LRRC7: variants seen among roughly 807,000 people sequenced by gnomAD.
LRRC7 encodes the protein leucine rich repeat containing 7.
LRRC7 carries 23 observed loss-of-function variants against 175.7 expected under a neutral mutation model. The ratio of observed to expected loss-of-function variants is 0.13; its 90% CI spans 0.09 to 0.19. The LOEUF is 0.19. LRRC7 is among the 10% of genes least tolerant of loss of function. The pLI is 1.00. For synonymous variants in LRRC7, 685 were observed against 680.9 expected (o/e 1.01, Z -0.09); for missense variants, 1,354 against 1,904.7 (o/e 0.71, Z 5.38).
intron 18 of LRRC7, chr1:70,031,126 G>A: frequency 6.6e-6 from 1 of 152,304 alleles, no homozygotes; most frequent in Non-Finnish European, 1.5e-5. Context: ...GAACAGTTAT[G>A]ATTACTTTGT....
intron 1 of LRRC7, among the ~76,000 whole-genome samples, chr1:69,653,484 G>A (rs973109027): frequency 8.0e-5 from 12 of 149,770 alleles, no homozygotes; most frequent in South Asian, 2.1e-4. Context: ...GCAAGTATGC[G>A]TGCTAATAAA....
chr1:69,819,207 T>A lies in LRRC7; in HGVS notation c.422-6541T>A, dbSNP rs138037890. ...AATTTGGCATTTATTTCTATAAACT[T>A]CCCTCTTAAAACTGCTTTTGCTGAA... On this transcript the variant is annotated intron_variant, in intron 4 of 26. Transcript: ENST00000651989. 6.2e-4 allele frequency among the ~76,000 whole-genome samples: 94 copies of A among 152,244 alleles called. 2 individuals are homozygous for A. In the East Asian group the frequency reaches 0.017, roughly 28 times the overall value.
At chr1:70,094,280 A>G (rs1664233263) in intron 25 of LRRC7, among the ~76,000 whole-genome samples, 1 of 152,140 alleles carries the variant, frequency 6.6e-6, no homozygotes, top group African/African-American at 2.4e-5. Flanking sequence ...TTATGTGGAG[A>G]ATAGTCATAA....
At chr1:69,811,044 C>T (rs1422492832) in intron 4 of LRRC7, among the ~76,000 whole-genome samples, 2 of 152,020 alleles carry the variant, frequency 1.3e-5, no homozygotes, top group Non-Finnish European at 2.9e-5. Context: ...GGCTAATATC[C>T]AGAATCTATA....
intron 4 of LRRC7, among the ~76,000 whole-genome samples, chr1:69,806,212 G>GA (rs961866667): frequency 7.2e-5 from 11 of 151,876 alleles, no homozygotes; most frequent in Non-Finnish European, 1.5e-4. Context: ...GATAAGGAAG[G>GA]AAAAATTCAT....
At chr1:69,905,758 T>A (rs1272625891) in intron 7 of LRRC7, among the ~76,000 whole-genome samples, 1 of 152,240 alleles carries the variant, frequency 6.6e-6, no homozygotes, top group African/African-American at 2.4e-5. Flanking sequence ...TTTATAGTCC[T>A]TTGGGTATAT....
intron 1 of LRRC7, among the ~76,000 whole-genome samples, chr1:69,571,210 G>A (rs549173540): frequency 6.6e-6 from 1 of 152,292 alleles, no homozygotes; most frequent in East Asian, 1.9e-4. Flanking sequence ...TACATCACTT[G>A]TGTCTGCACA....
intron 26 of LRRC7, among the ~76,000 whole-genome samples, chr1:70,110,758 T>C (rs1665473985): frequency 6.6e-6 from 1 of 152,210 alleles, no homozygotes; most frequent in Non-Finnish European, 1.5e-5. Context: ...AATTATGTAT[T>C]TACAGTTTCA....
chr1:69,673,674 A>G (rs1283077261), intron 1 of LRRC7, among the ~76,000 whole-genome samples: 2 of 152,224 alleles, frequency 1.3e-5, no homozygotes, highest in Non-Finnish European at 2.9e-5. Context: ...TTTCAGTTAT[A>G]TAATAATTTA....
At chr1:70,017,403 T>A (rs1317560145) in intron 14 of LRRC7, among the ~76,000 whole-genome samples, 1 of 152,206 alleles carries the variant, frequency 6.6e-6, no homozygotes, top group African/African-American at 2.4e-5. Flanking sequence ...GTAAATAATT[T>A]TATTAACTGG....
At chr1:70,028,619 A>G (rs541470140) in intron 18 of LRRC7, among the ~76,000 whole-genome samples, 1 of 152,250 alleles carries the variant, frequency 6.6e-6, no homozygotes, top group Admixed American at 6.5e-5. Context: ...TTCGTCACCC[A>G]GCAAGGCCTG....
At chr1:69,800,337 T>C (rs1259188860) in intron 4 of LRRC7, among the ~76,000 whole-genome samples, 1 of 152,044 alleles carries the variant, frequency 6.6e-6, no homozygotes, top group Non-Finnish European at 1.5e-5. Flanking sequence ...TTGGTCAGTA[T>C]GGTCATTTCA....
Position 70,076,165 on chromosome 1 carries a change from A to G in LRRC7, c.4319A>G (p.Lys1440Arg). The G allele has an allele frequency of 3.1e-6, 5 of 1,614,012 alleles. No homozygotes were observed. Among genetic ancestry groups the G allele is most frequent in the Non-Finnish European group, 4.2e-6 (5 of 1,179,960 alleles). ...EQQPYEGNIN[K>R]VTIQQFQSPL... ...CAGCCGTATGAAGGAAATATAAACA[A>G]AGTGACCATCCAGCAATTTCAGTCA... The change falls in exon 24 of 27, where the codon AAA becomes AGA. Residue 1440 changes from lysine to arginine, a missense_variant. By Grantham distance (26) the Lys-to-Arg change is conservative (BLOSUM62 2). Transcript: ENST00000651989.
chr1:69,695,186 G>A (rs1261389471), intron 2 of LRRC7, among the ~76,000 whole-genome samples: 1 of 152,144 alleles, frequency 6.6e-6, no homozygotes, highest in Non-Finnish European at 1.5e-5. Flanking sequence ...AAATTGTTGG[G>A]AACTGGTATA....
At chr1:69,795,985 GT>G (rs1380437209) in intron 4 of LRRC7, among the ~76,000 whole-genome samples, 3 of 149,006 alleles carry the variant, frequency 2.0e-5, no homozygotes, top group Admixed American at 2.0e-4. Flanking sequence ...TATACTTTAA[GT>G]TTTAGGGTAC....
intron 3 of LRRC7, among the ~76,000 whole-genome samples, chr1:69,784,736 A>C (rs1052126435): frequency 3.3e-5 from 5 of 152,166 alleles, no homozygotes; most frequent in Admixed American, 2.6e-4. Flanking sequence ...TATTCTGGCT[A>C]TATCGTGGCA....
At chr1:69,957,076 A>G (rs550366996) in intron 8 of LRRC7, among the ~76,000 whole-genome samples, 4 of 151,690 alleles carry the variant, frequency 2.6e-5, no homozygotes, top group African/African-American at 7.3e-5. Context: ...TTCATTTAAC[A>G]TATATTTATT....
In LRRC7 at chr1:70,133,147, T is replaced by C. The variant is rs1048801064; in HGVS notation, c.*11260T>C. ...CACCACTAGATGGAGACCTCATATC[T>C]ACATTTTAAATCCCAGCCTTGGCAA... is the stretch of plus-strand genomic sequence containing the variant. On this transcript the variant is annotated 3_prime_UTR_variant, in exon 27 of 27. Coordinates refer to ENST00000651989, the MANE Select transcript of LRRC7 (RefSeq NM_001370785.2). Among the ~76,000 whole-genome samples the C allele has an allele frequency of 3.9e-5, 6 of 152,146 alleles. No homozygotes were observed. Among genetic ancestry groups the C allele is most frequent in the Non-Finnish European group, 7.3e-5 (5 of 68,028 alleles).
chr1:69,684,226 C>T (rs927946198), intron 2 of LRRC7, among the ~76,000 whole-genome samples: 17 of 152,112 alleles, frequency 1.1e-4, no homozygotes, highest in Admixed American at 1.3e-4. Context: ...ATATTAATAA[C>T]ACATGACATA....
Sources: allele counts gnomAD v4.1 joint callset (sites outside exome capture counted in the v4.1 genomes callset), GRCh38; gene constraint gnomAD v4.1.1; transcripts MANE v1.5; gene names NCBI Gene and HGNC (gene_info 2026-07-23, HGNC 2026-07-21).